Variants in UBE2E2 observed in about 807,000 individuals in gnomAD.
UBE2E2 encodes ubiquitin-conjugating enzyme E2 E2.
Under a neutral mutation model 24.7 loss-of-function variants are expected in UBE2E2, and 6 were observed. The observed-to-expected ratio is 0.24, with a 90% CI of 0.13 to 0.48. The LOEUF (loss-of-function observed/expected upper bound fraction) is 0.48. Among genes scored for constraint, UBE2E2 ranks in the 20% least tolerant of loss-of-function variants. The pLI, the probability that UBE2E2 is intolerant of heterozygous loss-of-function variation, is 0.99. For synonymous variants in UBE2E2, 104 were observed against 83.6 expected (o/e 1.24, Z -1.33); for missense variants, 169 against 245.0 (o/e 0.69, Z 2.07).
chr3:23,569,779 G>A (rs1696181450), intron 5 of UBE2E2, among the ~76,000 whole-genome samples: 1 of 152,156 alleles, frequency 6.6e-6, no homozygotes, highest in South Asian at 2.1e-4. Context: ...ATTTCAAAGT[G>A]TGCATTGATT....
At chr3:23,393,990 C>T (rs1697014338) in intron 3 of UBE2E2, among the ~76,000 whole-genome samples, 2 of 152,178 alleles carry the variant, frequency 1.3e-5, no homozygotes, top group Non-Finnish European at 2.9e-5. Context: ...AAAAATATTG[C>T]TAACACCTGC....
chr3:23,580,288 G>A (rs900629619), intron 5 of UBE2E2, among the ~76,000 whole-genome samples: 3 of 152,160 alleles, frequency 2.0e-5, no homozygotes, highest in Non-Finnish European at 4.4e-5. Context: ...AGGGAGAGTC[G>A]ATCGATGCGG....
intron 3 of UBE2E2, among the ~76,000 whole-genome samples, chr3:23,227,535 A>G (rs1222052301): frequency 6.6e-6 from 1 of 152,192 alleles, no homozygotes; most frequent in African/African-American, 2.4e-5. Context: ...TAGGGTACTG[A>G]ATTATTTGTA....
intron 2 of UBE2E2, among the ~76,000 whole-genome samples, chr3:23,213,172 A>G (rs1696376809): frequency 6.6e-6 from 1 of 152,170 alleles, no homozygotes; most frequent in Non-Finnish European, 1.5e-5. Flanking sequence ...CTGCGTATCC[A>G]CACATTCATG....
chr3:23,325,734 T>C (rs543509246), intron 3 of UBE2E2, among the ~76,000 whole-genome samples: 1 of 152,352 alleles, frequency 6.6e-6, no homozygotes, highest in African/African-American at 2.4e-5. Flanking sequence ...GTGAGAAATA[T>C]AATAGTGAAT....
intron 3 of UBE2E2, among the ~76,000 whole-genome samples, chr3:23,470,429 T>C (rs1699010431): frequency 6.6e-6 from 1 of 152,228 alleles, no homozygotes; most frequent in African/African-American, 2.4e-5. Context: ...TAACCATATC[T>C]TCCTCCACAA....
chr3:23,403,954 A>G (rs1697292265), intron 3 of UBE2E2, among the ~76,000 whole-genome samples: 1 of 152,140 alleles, frequency 6.6e-6, no homozygotes, highest in South Asian at 2.1e-4. Context: ...ATCTGTCATT[A>G]TTGTTTCTCA....
intron 1 of UBE2E2, chr3:23,204,835 C>G (rs1043200578): frequency 7.8e-5 from 65 of 835,872 alleles, no homozygotes; most frequent in African/African-American, 1.8e-4. Flanking sequence ...AGGAAGACAG[C>G]AAGACATATA....
intron 3 of UBE2E2, among the ~76,000 whole-genome samples, chr3:23,354,757 A>G (rs1429949697): frequency 6.6e-6 from 1 of 152,218 alleles, no homozygotes; most frequent in East Asian, 1.9e-4. Context: ...GTGGAGAAAC[A>G]GGAACACTTT....
intron 1 of UBE2E2, 72 bp downstream of exon 1, chr3:23,203,536 C>A: frequency 1.1e-6 from 1 of 894,132 alleles, no homozygotes; most frequent in African/African-American, 1.8e-5. Context: ...CTCCTCACTC[C>A]CCCGACCTCC....
chr3:23,294,252 A>G (rs954258879), intron 3 of UBE2E2, among the ~76,000 whole-genome samples: 28 of 152,336 alleles, frequency 1.8e-4, no homozygotes, highest in Middle Eastern at 3.4e-3. Context: ...ATAAAAAGCA[A>G]TTCTCACCTA....
intron 3 of UBE2E2, among the ~76,000 whole-genome samples, chr3:23,432,510 A>T (rs1415709565): frequency 6.6e-6 from 1 of 152,078 alleles, no homozygotes; most frequent in Non-Finnish European, 1.5e-5. Flanking sequence ...GTAAGTGCAT[A>T]TATCAACATT....
chr3:23,247,357 A>ATTT (rs201663345), intron 3 of UBE2E2, among the ~76,000 whole-genome samples: 1 of 138,752 alleles, frequency 7.2e-6, no homozygotes, highest in Non-Finnish European at 1.6e-5. Context: ...CTCTGAGTGT[A>ATTT]TTTTTTTTTT....
chr3:23,543,492 A>G (rs1695444901), intron 5 of UBE2E2, among the ~76,000 whole-genome samples: 1 of 152,136 alleles, frequency 6.6e-6, no homozygotes. Context: ...ATGCCTGGGA[A>G]TATAGTTAAC....
At position 23,280,633 on chromosome 3, in the gene UBE2E2, T is replaced by C. The variant is rs1698472609; in HGVS notation, c.227+63321T>C. ...TTACTCACTCAGAAATGGTGCCTTCTTTTGGTGGCATTTGCCATAATTGTC... is the reference window on the plus strand; with the variant it reads ...TTACTCACTCAGAAATGGTGCCTTCCTTTGGTGGCATTTGCCATAATTGTC... On this transcript the variant is annotated intron_variant, in intron 3 of 5. Coordinates refer to ENST00000396703, the MANE Select transcript of UBE2E2 (RefSeq NM_152653.4). The surrounding 1 kb of genome is among the most constrained non-coding windows in gnomAD (Gnocchi z 4.3). Among the ~76,000 whole-genome samples, 1 of 152,224 alleles carries C rather than the reference T, an allele frequency of 6.6e-6. No individual in the cohort carries two copies. Among genetic ancestry groups the C allele is most frequent in the Non-Finnish European group, 1.5e-5 (1 of 68,054 alleles).
intron 3 of UBE2E2, among the ~76,000 whole-genome samples, chr3:23,327,689 C>T (rs1694940653): frequency 6.6e-6 from 1 of 152,148 alleles, no homozygotes; most frequent in Admixed American, 6.5e-5. Context: ...GACTCGTTCT[C>T]TTTTTTCCTT....
chr3:23,297,131 C>T (rs558583842), intron 3 of UBE2E2, among the ~76,000 whole-genome samples: 2 of 152,180 alleles, frequency 1.3e-5, no homozygotes, highest in African/African-American at 4.8e-5. Context: ...CTGTTCATAT[C>T]CTTCACCCAC....
chr3:23,216,607 A>G (rs150597909), intron 2 of UBE2E2, among the ~76,000 whole-genome samples: 121 of 152,292 alleles, frequency 7.9e-4, no homozygotes, highest in Middle Eastern at 3.4e-3. Flanking sequence ...GCCTTTTTGT[A>G]TGTACATAGG....
chr3:23,458,720 G>A (rs775380502), intron 3 of UBE2E2, among the ~76,000 whole-genome samples: 1 of 152,052 alleles, frequency 6.6e-6, no homozygotes, highest in African/African-American at 2.4e-5. Flanking sequence ...CCTGGCCAGA[G>A]ATCACTGTTC....
Sources: gnomAD v4.1 joint callset for allele counts (sites outside exome capture counted in the v4.1 genomes callset) on GRCh38, gnomAD v4.1.1 for gene constraint, Gnocchi (gnomAD v3.1) non-coding constraint, MANE v1.5 for transcripts, NCBI Gene and HGNC (gene_info 2026-07-23, HGNC 2026-07-21) for gene names.